Variants in CYTIP observed in about 807,000 individuals in gnomAD.
The protein encoded by CYTIP is cytohesin-interacting protein.
CYTIP carries 26 observed loss-of-function variants against 43.8 expected under a neutral mutation model. The observed-to-expected ratio is 0.59, with a 90% confidence interval of 0.44 to 0.82. The LOEUF (loss-of-function observed/expected upper bound fraction) is 0.82. Among genes scored for constraint, CYTIP ranks in the 40% least tolerant of loss-of-function variants. The probability of loss-of-function intolerance (pLI) is 0.00; values close to 1 mark genes in which losing one functional copy is unlikely to be tolerated. For missense variants in CYTIP, 426 were observed against 443.1 expected (o/e 0.96, Z 0.35); for synonymous variants, 162 against 162.9 (o/e 0.99, Z 0.04).
intron 1 of CYTIP, among the ~76,000 whole-genome samples, chr2:157,441,043 C>T (rs1359434710): frequency 6.6e-6 from 1 of 151,568 alleles, no homozygotes; most frequent in Non-Finnish European, 1.5e-5. Flanking sequence ...ACAGAGAAAT[C>T]TATCTTTAAA....
chr2:157,430,573 G>T lies in CYTIP; in HGVS notation c.462C>A (p.Ser154=). 6.2e-7 allele frequency: 1 copy of T among 1,614,048 alleles called. No individual in the cohort carries two copies. The highest frequency in any genetic ancestry group is 1.6e-4 in the Middle Eastern group (1 of 6,062). The change falls in exon 5 of 8, where the codon TCC becomes TCA. Residue 154 remains serine, a synonymous_variant. Transcript: ENST00000264192. ...CAGATAGTTACGTTAGCAGGTTTCC[G>T]GACGATCTGATCAGGTCAACGACTT... ...YKQVVDLIRS[S]GNLLTIETLN...
At chr2:157,434,801 A>C in intron 1 of CYTIP, 54 bp from the exon 2 acceptor site, 1 of 1,179,886 alleles carries the variant, frequency 8.5e-7, no homozygotes, top group Non-Finnish European at 1.2e-6. Context: ...ATACACTGTA[A>C]AATGTTCTAA....
At chr2:157,429,216 T>C (rs1263594545) in intron 5 of CYTIP, among the ~76,000 whole-genome samples, 1 of 152,144 alleles carries the variant, frequency 6.6e-6, no homozygotes, top group Non-Finnish European at 1.5e-5. Context: ...ATCCATCAAA[T>C]ACCAATTATA....
chr2:157,436,867 C>T (rs538093508), intron 1 of CYTIP, among the ~76,000 whole-genome samples: 40 of 152,230 alleles, frequency 2.6e-4, no homozygotes, highest in Admixed American at 6.5e-4. Context: ...TAAAGATAGT[C>T]TTCAACATTG....
chr2:157,431,330 C>T (rs1412169969), intron 3 of CYTIP, among the ~76,000 whole-genome samples: 1 of 152,206 alleles, frequency 6.6e-6, no homozygotes, highest in Non-Finnish European at 1.5e-5. Context: ...CTAAGTGGTT[C>T]TCCCAAGCTA....
chr2:157,442,447 T>C (rs1029985557), intron 1 of CYTIP, among the ~76,000 whole-genome samples: 7 of 141,980 alleles, frequency 4.9e-5, no homozygotes, highest in East Asian at 2.0e-4. Context: ...CCCACCCTGA[T>C]TGAAAAAGTA....
chr2:157,440,601 C>G (rs1260075964), intron 1 of CYTIP, among the ~76,000 whole-genome samples: 1 of 152,146 alleles, frequency 6.6e-6, no homozygotes, highest in Non-Finnish European at 1.5e-5. Flanking sequence ...GGGCAGAGCC[C>G]AGCCCAGCAG....
intron 7 of CYTIP, 107 bp downstream of exon 7, chr2:157,418,416 A>G: frequency 1.8e-6 from 2 of 1,120,562 alleles, no homozygotes; most frequent in Non-Finnish European, 2.6e-6. Context: ...CTTGACCAGC[A>G]CTAGACAAAT....
chr2:157,426,631 G>T (rs575189003), intron 6 of CYTIP, among the ~76,000 whole-genome samples: 2 of 152,286 alleles, frequency 1.3e-5, no homozygotes, highest in South Asian at 4.1e-4. Context: ...TGGCTACCTG[G>T]TTGCTCTGCA....
intron 3 of CYTIP, 72 bp downstream of exon 3, chr2:157,434,298 C>A (rs1402902800): frequency 1.7e-5 from 20 of 1,189,350 alleles, no homozygotes; most frequent in Non-Finnish European, 2.2e-5. Flanking sequence ...TTCATTTTTT[C>A]TTTGCACATA....
chr2:157,418,320 T>A (rs944992419), intron 7 of CYTIP, among the ~76,000 whole-genome samples: 18 of 152,196 alleles, frequency 1.2e-4, no homozygotes, highest in Non-Finnish European at 4.4e-5. Context: ...TGCGTCATGA[T>A]ACGCAGTAGT....
chr2:157,418,615 A>AG, intron 6 of CYTIP, 26 bp from the exon 7 acceptor site: 1 of 1,545,140 alleles, frequency 6.5e-7, no homozygotes, highest in African/African-American at 1.4e-5. Flanking sequence ...AAAAAAAAAA[A>AG]AGTTTTTATT....
At chr2:157,427,314 G>A in intron 6 of CYTIP, 37 bp downstream of exon 6, 1 of 1,533,276 alleles carries the variant, frequency 6.5e-7, no homozygotes, top group East Asian at 2.3e-5. Flanking sequence ...CACATTCAAG[G>A]ATGAAAAATG....
chr2:157,418,175 C>T (rs1685466570), intron 7 of CYTIP, among the ~76,000 whole-genome samples: 1 of 152,150 alleles, frequency 6.6e-6, no homozygotes, highest in African/African-American at 2.4e-5. Flanking sequence ...ACTATACAGC[C>T]CCTTAGCCGT....
chr2:157,415,968 C>A lies in CYTIP; in HGVS notation c.789G>T (p.Thr263=). ...CCCTGCTGGAGTCCTCAGACACACACGTCTGGTAGCCATCTTCACTGTCCA... is the reference window on the plus strand; with the variant it reads ...CCCTGCTGGAGTCCTCAGACACACAAGTCTGGTAGCCATCTTCACTGTCCA... ...MTMDSEDGYQ[T]CVSEDSSRGA... is the part of the protein sequence containing the mutation. The change falls in exon 8 of 8, where the codon ACG becomes ACT. Residue 263 remains threonine (T), a synonymous_variant. Coordinates refer to ENST00000264192, the MANE Select transcript of CYTIP (RefSeq NM_004288.5). The A allele has an allele frequency of 6.2e-7, 1 of 1,614,242 alleles. No individual in the cohort carries two copies. Among genetic ancestry groups the A allele is most frequent in the Non-Finnish European group, 8.5e-7 (1 of 1,180,038 alleles).
intron 1 of CYTIP, among the ~76,000 whole-genome samples, chr2:157,439,791 G>A (rs1455666871): frequency 2.0e-5 from 3 of 152,192 alleles, no homozygotes; most frequent in South Asian, 4.1e-4. Flanking sequence ...ACCTAGGGTT[G>A]GGCTTATGAT....
At chr2:157,428,301 A>C (rs1212710914) in intron 5 of CYTIP, among the ~76,000 whole-genome samples, 3 of 152,202 alleles carry the variant, frequency 2.0e-5, no homozygotes, top group Non-Finnish European at 4.4e-5. Flanking sequence ...CCTCTCTATA[A>C]AGATGCAAGG....
chr2:157,420,327 C>T (rs967441466), intron 6 of CYTIP, among the ~76,000 whole-genome samples: 1 of 152,080 alleles, frequency 6.6e-6, no homozygotes, highest in Non-Finnish European at 1.5e-5. Flanking sequence ...ACCAGACTGG[C>T]CAACATGGCG....
At chr2:157,418,216 GA>G (rs1187615522) in intron 7 of CYTIP, among the ~76,000 whole-genome samples, 1 of 152,070 alleles carries the variant, frequency 6.6e-6, no homozygotes, top group Non-Finnish European at 1.5e-5. Flanking sequence ...TTCATTCACT[GA>G]AGTAGAAGGA....
Sources: gnomAD v4.1 joint callset for allele counts (sites outside exome capture counted in the v4.1 genomes callset) on GRCh38, gnomAD v4.1.1 for gene constraint, MANE v1.5 for transcripts, NCBI Gene and HGNC (gene_info 2026-07-23, HGNC 2026-07-21) for gene names.